FBXO10: variants seen among roughly 807,000 people sequenced by gnomAD.
The protein encoded by FBXO10 is F-box only protein 10.
Under a neutral mutation model 80.7 loss-of-function variants are expected in FBXO10, and 39 were observed. The observed-to-expected ratio is 0.48, with a 90% confidence interval of 0.37 to 0.63. FBXO10 has a LOEUF of 0.63. Ranked by LOEUF, FBXO10 falls within the 30% of genes least tolerant of loss-of-function variation. The probability of loss-of-function intolerance (pLI) is 0.00; values close to 1 mark genes in which losing one functional copy is unlikely to be tolerated. For missense variants in FBXO10, 1,025 were observed against 1,269.0 expected (o/e 0.81, Z 2.92); for synonymous variants, 449 against 489.6 (o/e 0.92, Z 1.09).
chr9:37,517,705 A>G (rs1189353874), intron 9 of FBXO10, among the ~76,000 whole-genome samples: 2 of 152,200 alleles, frequency 1.3e-5, no homozygotes, highest in Non-Finnish European at 1.5e-5. Context: ...TATGCAGGGT[A>G]TATAGGGAAG....
At chr9:37,536,077 C>T (rs1380623310) in intron 3 of FBXO10, 3 of 152,102 alleles carry the variant, frequency 2.0e-5, no homozygotes, top group African/African-American at 7.2e-5. Flanking sequence ...ACCTGAAATC[C>T]TCTTTGGAAG....
intron 5 of FBXO10, among the ~76,000 whole-genome samples, chr9:37,527,335 G>A (rs1177093846): frequency 6.6e-6 from 1 of 152,276 alleles, no homozygotes; most frequent in East Asian, 1.9e-4. Context: ...CTAAGACATG[G>A]ACATCCTTGG....
At chr9:37,549,636 C>G (rs1822141577) in intron 1 of FBXO10, among the ~76,000 whole-genome samples, 1 of 152,224 alleles carries the variant, frequency 6.6e-6, no homozygotes, top group African/African-American at 2.4e-5. Flanking sequence ...TGGTTCCCCT[C>G]TATCTTTTCT....
chr9:37,544,911 G>A (rs956410642), intron 1 of FBXO10, among the ~76,000 whole-genome samples: 1 of 149,068 alleles, frequency 6.7e-6, no homozygotes, highest in Non-Finnish European at 1.5e-5. Flanking sequence ...GGAGAATGGC[G>A]TGAACCCGGG....
chr9:37,537,174 G>C lies in FBXO10; in HGVS notation c.1355C>G (p.Ala452Gly), dbSNP rs1233121951. 6.2e-7 allele frequency: 1 copy of C among 1,613,816 alleles called. No individual in the cohort carries two copies. Among genetic ancestry groups the C allele is most frequent in the African/African-American group, 1.3e-5 (1 of 74,924 alleles). ...CCGGAAGATGTTTCCTTCCATCTTG[G>C]CTCTGCCGTGGGAGCAGACGAAGAC... ...GGVFVCSHGR[A>G]KMEGNIFRNL... is the part of the protein sequence containing the mutation. Residue 452 changes from alanine to glycine, a missense_variant, in exon 3 of 11, where the codon GCC (alanine) becomes GGC (glycine). Coordinates refer to ENST00000432825, the MANE Select transcript of FBXO10 (RefSeq NM_012166.3).
intron 7 of FBXO10, chr9:37,522,407 A>C (rs1422326202): frequency 9.8e-7 from 1 of 1,023,776 alleles, no homozygotes; most frequent in Non-Finnish European, 1.2e-6. Flanking sequence ...AGACAGATGA[A>C]GGCTCTGCCC....
intron 5 of FBXO10, among the ~76,000 whole-genome samples, 186 bp downstream of exon 5, chr9:37,528,938 C>T (rs931502990): frequency 1.3e-5 from 2 of 152,210 alleles, no homozygotes; most frequent in African/African-American, 4.8e-5. Flanking sequence ...CCGAATAGAA[C>T]GCCTACACGG....
At chr9:37,516,710 A>G (rs995516192) in intron 9 of FBXO10, among the ~76,000 whole-genome samples, 2 of 152,216 alleles carry the variant, frequency 1.3e-5, no homozygotes, top group African/African-American at 4.8e-5. Flanking sequence ...TCACACCTGT[A>G]ATCCCAGCAC....
intron 3 of FBXO10, among the ~76,000 whole-genome samples, chr9:37,532,562 T>C (rs943805931): frequency 4.6e-5 from 7 of 152,026 alleles, no homozygotes; most frequent in Admixed American, 4.6e-4. Flanking sequence ...CCCAGGCTGG[T>C]CTGGAACTCT....
rs780203429 is a variant in FBXO10, at chr9:37,529,277, G to A, written c.1570-17C>T. ...CTGGTTACACTGCAAGTGAAAATGA[G>A]ACACCACAGAAGCCAGATCAGACAC... On this transcript the variant is annotated splice_polypyrimidine_tract_variant and intron_variant, in intron 4 of 10. Transcript: ENST00000432825. The A allele has an allele frequency of 6.3e-7, 1 of 1,594,750 alleles. No individual in the cohort carries two copies. The highest frequency in any genetic ancestry group is 8.5e-7 in the Non-Finnish European group (1 of 1,170,768).
chr9:37,553,916 CAAAAAAAAA>C (rs71494669), intron 1 of FBXO10, among the ~76,000 whole-genome samples: 11 of 64,334 alleles, frequency 1.7e-4, no homozygotes, highest in East Asian at 4.8e-4. Context: ...AAGTCTGCCT[CAAAAAAAAA>C]AAAAAAAAAA....
intron 1 of FBXO10, among the ~76,000 whole-genome samples, chr9:37,542,377 C>A (rs998540824): frequency 2.0e-5 from 3 of 151,762 alleles, no homozygotes; most frequent in African/African-American, 7.3e-5. Context: ...AGGTGGATCA[C>A]CTGAGGTTGG....
chr9:37,529,837 C>A (rs200637706), intron 4 of FBXO10, among the ~76,000 whole-genome samples: 8 of 140,760 alleles, frequency 5.7e-5, no homozygotes, highest in Non-Finnish European at 9.3e-5. Context: ...CAAGAGATAT[C>A]TTTTTTTTTT....
In FBXO10 at chr9:37,516,019, G is replaced by C; in HGVS notation, c.2581C>G (p.Leu861Val). 6.2e-7 allele frequency: 1 copy of C among 1,614,064 alleles called. No homozygotes were observed. Among genetic ancestry groups the C allele is most frequent in the African/African-American group, 1.3e-5 (1 of 75,064 alleles). Reference sequence around the variant, plus strand: ...TGGAAGATGATGTTTTCCTGCACCAGGGCCTTGGCACGGCCCCGCACGGCG... The same window carrying C: ...TGGAAGATGATGTTTTCCTGCACCACGGCCTTGGCACGGCCCCGCACGGCG... ...GIAVRGRAKA[L>V]VQENIIFQGK... The change falls in exon 10 of 11, where the codon CTG becomes GTG. Residue 861 changes from leucine to valine, a missense_variant. Leu to Val is a conservative substitution (Grantham distance 32, BLOSUM62 1). This residue lies in a region of FBXO10 where 478 missense variants were observed against 667.8 expected (regional missense o/e 0.72). Coordinates refer to ENST00000432825, the MANE Select transcript of FBXO10 (RefSeq NM_012166.3).
At chr9:37,540,640 T>C (rs568141908) in intron 2 of FBXO10, among the ~76,000 whole-genome samples, 2 of 152,210 alleles carry the variant, frequency 1.3e-5, no homozygotes, top group Admixed American at 6.5e-5. Flanking sequence ...TGGCTCTGCA[T>C]TCACGGAAGG....
Position 37,537,225 on chromosome 9 carries a change from C to T in FBXO10, c.1304G>A (p.Cys435Tyr), listed in dbSNP as rs374744548. 3.1e-6 allele frequency: 5 copies of T among 1,613,846 alleles called. No homozygotes were observed. The highest frequency in any genetic ancestry group is 1.7e-5 in the Admixed American group (1 of 60,008). The change falls in exon 3 of 11, where the codon TGC becomes TAC. Residue 435 changes from cysteine (C) to tyrosine (Y), a missense_variant. Physicochemically the swap from Cys to Tyr is radical, Grantham distance 194. This residue lies in a region of FBXO10 where 478 missense variants were observed against 667.8 expected (regional missense o/e 0.72). Coordinates refer to ENST00000432825, the MANE Select transcript of FBXO10 (RefSeq NM_012166.3). ...NSVQGCLIRK[C>Y]LFRDGKGGVF... ...GCCTCCCTTCCCGTCCCGGAAGAGG[C>T]ACTTGCGGATGAGGCAGCCCTGCAC...
At chr9:37,567,781 C>T (rs1822646938) in intron 1 of FBXO10, among the ~76,000 whole-genome samples, 1 of 152,248 alleles carries the variant, frequency 6.6e-6, no homozygotes, top group Admixed American at 6.5e-5. Context: ...CTGTCCGCCT[C>T]GGCCTCCCAA....
intron 3 of FBXO10, among the ~76,000 whole-genome samples, chr9:37,536,711 C>T (rs192347532): frequency 7.7e-4 from 117 of 152,264 alleles, no homozygotes; most frequent in Admixed American, 1.4e-3. Flanking sequence ...CCAGCACAGA[C>T]GTTTCCTCAA....
At chr9:37,515,658 C>T in intron 10 of FBXO10, 1 of 407,308 alleles carries the variant, frequency 2.5e-6, no homozygotes, top group South Asian at 5.2e-5. Flanking sequence ...GGTCACACAG[C>T]CAGTAACCTG....
Sources: gnomAD v4.1 joint callset for allele counts (sites outside exome capture counted in the v4.1 genomes callset) on GRCh38, gnomAD v4.1.1 for gene constraint, gnomAD v4.1.1 regional missense constraint, MANE v1.5 for transcripts, NCBI Gene and HGNC (gene_info 2026-07-23, HGNC 2026-07-21) for gene names.